NCAM2: variants seen among roughly 807,000 people sequenced by gnomAD.
NCAM2 encodes the protein N-CAM-2.
In NCAM2, 30 loss-of-function variants were observed where a neutral mutation model predicts 98.1. The observed-to-expected ratio is 0.31, with a 90% CI of 0.23 to 0.41. The LOEUF (loss-of-function observed/expected upper bound fraction) is 0.41. Among genes scored for constraint, NCAM2 ranks in the 10% least tolerant of loss-of-function variants. The pLI is 1.00. For synonymous variants in NCAM2, 368 were observed against 342.4 expected, an observed-to-expected ratio of 1.07 and a Z score of -0.83; for missense variants, 867 against 1,005.8, an observed-to-expected ratio of 0.86 and a Z score of 1.87.
At chr21:21,216,285 A>G (rs2069896596) in intron 1 of NCAM2, among the ~76,000 whole-genome samples, 1 of 152,220 alleles carries the variant, frequency 6.6e-6, no homozygotes, top group African/African-American at 2.4e-5. Flanking sequence ...GAAAAATCAC[A>G]GTGAGTAAAC....
chr21:21,487,333 G>A (rs1325552424), intron 15 of NCAM2, among the ~76,000 whole-genome samples: 1 of 151,908 alleles, frequency 6.6e-6, no homozygotes, highest in African/African-American at 2.4e-5. Flanking sequence ...GTGATTACTG[G>A]TAAGCAAGAC....
At chr21:21,196,179 C>T (rs1016864047) in intron 1 of NCAM2, among the ~76,000 whole-genome samples, 1 of 152,202 alleles carries the variant, frequency 6.6e-6, no homozygotes, top group African/African-American at 2.4e-5. Context: ...TGCTGCTCCT[C>T]CTTCTGGGAG....
chr21:21,154,057 A>G (rs1385315773), intron 1 of NCAM2, among the ~76,000 whole-genome samples: 3 of 151,938 alleles, frequency 2.0e-5, no homozygotes, highest in African/African-American at 7.2e-5. Flanking sequence ...TATTTTTAGC[A>G]TGCAAATTTG....
chr21:21,506,813 A>T (rs1988007534), intron 15 of NCAM2, among the ~76,000 whole-genome samples: 1 of 150,160 alleles, frequency 6.7e-6, no homozygotes, highest in Non-Finnish European at 1.5e-5. Flanking sequence ...TTAATACATT[A>T]TTTTTTTTCA....
chr21:21,240,014 A>G (rs548150104), intron 1 of NCAM2, among the ~76,000 whole-genome samples: 1 of 152,060 alleles, frequency 6.6e-6, no homozygotes, highest in Admixed American at 6.6e-5. Flanking sequence ...TCTTAAGCTT[A>G]TACACACATA....
intron 1 of NCAM2, among the ~76,000 whole-genome samples, chr21:21,101,891 A>G (rs1414634007): frequency 1.3e-5 from 2 of 152,082 alleles, no homozygotes; most frequent in Admixed American, 1.3e-4. Flanking sequence ...TGACAATTAT[A>G]AATAGTGTTT....
chr21:21,137,501 G>A (rs959461424), intron 1 of NCAM2, among the ~76,000 whole-genome samples: 9 of 152,142 alleles, frequency 5.9e-5, no homozygotes, highest in African/African-American at 1.7e-4. Flanking sequence ...AATGTTGGCC[G>A]GGTGCTGTGG....
At chr21:21,011,141 T>A (rs1474187593) in intron 1 of NCAM2, among the ~76,000 whole-genome samples, 1 of 140,300 alleles carries the variant, frequency 7.1e-6, no homozygotes, top group East Asian at 2.3e-4. Flanking sequence ...AAACCTGCCA[T>A]TTACTCTGCA....
chr21:21,214,746 T>TATATACATAC (rs11268201), intron 1 of NCAM2, among the ~76,000 whole-genome samples: 1 of 100,608 alleles, frequency 9.9e-6, no homozygotes, highest in Non-Finnish European at 2.1e-5. Flanking sequence ...TATATATATA[T>TATATACATAC]ACACTATATA....
chr21:21,292,256 A>C lies in NCAM2; in HGVS notation c.619+15A>C. On this transcript the variant is annotated intron_variant, in intron 5 of 17. Coordinates refer to ENST00000400546, the MANE Select transcript of NCAM2 (RefSeq NM_004540.5). ...TATTGTTAATGGTAAGCAGTAAATAATTTGTACATGTTTTATGGATTCATT... is the reference window on the plus strand; with the variant it reads ...TATTGTTAATGGTAAGCAGTAAATACTTTGTACATGTTTTATGGATTCATT... 1 of 1,596,974 alleles carries C rather than the reference A, an allele frequency of 6.3e-7. No individual in the cohort carries two copies. Among genetic ancestry groups the C allele is most frequent in the South Asian group, 1.1e-5 (1 of 87,818 alleles).
At chr21:21,256,019 T>C (rs1023235048) in intron 1 of NCAM2, among the ~76,000 whole-genome samples, 2 of 152,188 alleles carry the variant, frequency 1.3e-5, no homozygotes, top group East Asian at 3.9e-4. Context: ...TTCAATAATG[T>C]AGTGTATACT....
At chr21:21,181,382 A>G (rs971818299) in intron 1 of NCAM2, among the ~76,000 whole-genome samples, 1 of 152,132 alleles carries the variant, frequency 6.6e-6, no homozygotes, top group Non-Finnish European at 1.5e-5. Flanking sequence ...CTGAAAACCT[A>G]TTTGGTATGA....
intron 1 of NCAM2, among the ~76,000 whole-genome samples, chr21:21,193,289 T>TA (rs2068887312): frequency 1.3e-5 from 2 of 152,064 alleles, no homozygotes; most frequent in South Asian, 4.1e-4. Context: ...TAATATATAA[T>TA]AAATGAAATT....
chr21:21,391,790 T>C (rs886130939), intron 9 of NCAM2, among the ~76,000 whole-genome samples: 1 of 135,370 alleles, frequency 7.4e-6, no homozygotes, highest in Non-Finnish European at 1.6e-5. Flanking sequence ...TGCAACAGAA[T>C]TTGAAACATT....
At chr21:21,309,233 G>T (rs1263729255) in intron 5 of NCAM2, among the ~76,000 whole-genome samples, 8 of 151,996 alleles carry the variant, frequency 5.3e-5, no homozygotes, top group Admixed American at 3.9e-4. Context: ...TTTTAGCATG[G>T]ATGCTAGATG....
intron 5 of NCAM2, among the ~76,000 whole-genome samples, chr21:21,306,174 A>T (rs2147679938): frequency 6.6e-6 from 1 of 152,240 alleles, no homozygotes; most frequent in South Asian, 2.1e-4. Flanking sequence ...GATGTTGGTT[A>T]ATGTTTTGGT....
chr21:21,273,851 A>T (rs2072620535), intron 1 of NCAM2, among the ~76,000 whole-genome samples: 1 of 152,078 alleles, frequency 6.6e-6, no homozygotes, highest in Admixed American at 6.5e-5. Flanking sequence ...TGACAGGAAA[A>T]GTGCTATAGA....
intron 8 of NCAM2, among the ~76,000 whole-genome samples, chr21:21,359,913 T>A (rs574918563): frequency 6.6e-6 from 1 of 151,968 alleles, no homozygotes; most frequent in South Asian, 2.1e-4. Context: ...GTTAAATTGT[T>A]TAAACAACAA....
At chr21:21,283,412 A>T (rs954240735) in intron 2 of NCAM2, among the ~76,000 whole-genome samples, 1 of 151,920 alleles carries the variant, frequency 6.6e-6, no homozygotes, top group South Asian at 2.1e-4. Context: ...AGACACAGAA[A>T]TCTTCAGCTT....
Sources: gnomAD v4.1 joint callset for allele counts (sites outside exome capture counted in the v4.1 genomes callset) on GRCh38, gnomAD v4.1.1 for gene constraint, MANE v1.5 for transcripts, NCBI Gene and HGNC (gene_info 2026-07-23, HGNC 2026-07-21) for gene names.